SMG6: variants seen among roughly 807,000 people sequenced by gnomAD.
SMG6 encodes telomerase-binding protein EST1A.
A neutral mutation model predicts 142.2 loss-of-function variants in SMG6; 66 were observed. That is an observed-to-expected ratio of 0.46 (90% CI 0.38 to 0.57). The LOEUF is 0.57. Among genes scored for constraint, SMG6 ranks in the 20% least tolerant of loss-of-function variants. The pLI is 0.00. For missense variants in SMG6, 1,793 were observed against 1,832.0 expected (o/e 0.98, Z 0.39); for synonymous variants, 779 against 702.4 (o/e 1.11, Z -1.72).
intron 13 of SMG6, among the ~76,000 whole-genome samples, chr17:2,135,616 T>C (rs1191288075): frequency 6.6e-6 from 1 of 152,236 alleles, no homozygotes; most frequent in Non-Finnish European, 1.5e-5. Context: ...CTCATGTGGT[T>C]ACTGACCACT....
intron 7 of SMG6, 50 bp from the exon 8 acceptor site, chr17:2,282,909 G>A (rs751465029): frequency 9.5e-6 from 15 of 1,574,364 alleles, no homozygotes; most frequent in African/African-American, 1.4e-5. Flanking sequence ...GGTGGCTCAC[G>A]CCTGTAATCC....
intron 10 of SMG6, among the ~76,000 whole-genome samples, chr17:2,228,007 T>C (rs538110600): frequency 1.3e-5 from 2 of 152,302 alleles, no homozygotes; most frequent in Middle Eastern, 3.4e-3. Context: ...AGAATATAAA[T>C]AGTATGATTA....
intron 8 of SMG6, among the ~76,000 whole-genome samples, chr17:2,254,495 C>T (rs1324177031): frequency 9.2e-5 from 14 of 152,080 alleles, no homozygotes; most frequent in African/African-American, 3.1e-4. Flanking sequence ...CCACCAAGCC[C>T]GGCCAATTTT....
At chr17:2,113,545 G>A (rs2069405356) in intron 13 of SMG6, among the ~76,000 whole-genome samples, 1 of 152,172 alleles carries the variant, frequency 6.6e-6, no homozygotes, top group African/African-American at 2.4e-5. Context: ...ATTCTTAAAT[G>A]GGTCTCTGGG....
At chr17:2,123,772 G>T (rs1032200803) in intron 13 of SMG6, among the ~76,000 whole-genome samples, 1 of 149,370 alleles carries the variant, frequency 6.7e-6, no homozygotes, top group Non-Finnish European at 1.5e-5. Flanking sequence ...TGCAGAGGAG[G>T]AGTGTGTTTG....
intron 8 of SMG6, among the ~76,000 whole-genome samples, chr17:2,263,534 A>G (rs999144591): frequency 6.6e-6 from 1 of 152,204 alleles, no homozygotes; most frequent in African/African-American, 2.4e-5. Context: ...CAACTCAAAA[A>G]ACCACTTAAG....
chr17:2,282,760 T>C lies in SMG6; in HGVS notation c.2548A>G (p.Thr850Ala), dbSNP rs1421018809. The C allele has an allele frequency of 2.5e-6, 4 of 1,614,172 alleles. No individual in the cohort carries two copies. The highest frequency in any genetic ancestry group is 4.5e-5 in the East Asian group (2 of 44,882). ...TGAATCCAGATCTCCAGGCGAGTGG[T>C]GTCATCTCCAACATGCCGGAAAGTA... ...KSTFRHVGDDTTRLEIWIHPS... is the reference protein window; with the variant it reads ...KSTFRHVGDDATRLEIWIHPS... Residue 850 changes from threonine to alanine, a missense_variant, in exon 8 of 19, where the codon ACC becomes GCC. Around this residue, in one of 3 missense-constraint regions of SMG6, gnomAD observed 1,597 missense variants for 1,584.6 expected, o/e 1.01. Transcript: ENST00000263073.
chr17:2,273,219 C>G (rs2074576493), intron 8 of SMG6, among the ~76,000 whole-genome samples: 1 of 152,092 alleles, frequency 6.6e-6, no homozygotes, highest in Non-Finnish European at 1.5e-5. Context: ...CCACATAAAA[C>G]AAGGTTATAT....
At chr17:2,167,305 CA>C (rs2151639307) in intron 13 of SMG6, among the ~76,000 whole-genome samples, 2 of 152,002 alleles carry the variant, frequency 1.3e-5, no homozygotes, top group East Asian at 3.9e-4. Flanking sequence ...ATCAAGATGA[CA>C]AACTTGAGAA....
At position 2,255,432 on chromosome 17, in the gene SMG6, A is replaced by AAAAAAAG. The variant is rs2074149977; in HGVS notation, c.2662-10714_2662-10713insCTTTTTT. Among the ~76,000 whole-genome samples, 6 of 144,322 alleles carry AAAAAAAG rather than the reference A, an allele frequency of 4.2e-5. 1 individual carries two copies. The highest frequency in any genetic ancestry group is 7.6e-5 in the Non-Finnish European group (5 of 66,206). 94.7% of individuals were successfully genotyped at this position (144,322 alleles called of 152,430 possible). A position where few individuals can be genotyped will look rare whatever the true frequency, so the allele number is the denominator to read the frequency against. ...AAAAAAAAAAAAAAAAAAAAAAAGA[A>AAAAAAAG]TGTGATCTTCATTAAAGCCACTGAA... On this transcript the variant is annotated intron_variant, in intron 8 of 18. Coordinates refer to ENST00000263073, the MANE Select transcript of SMG6 (RefSeq NM_017575.5).
At chr17:2,092,571 C>T (rs2068754550) in intron 13 of SMG6, among the ~76,000 whole-genome samples, 1 of 152,178 alleles carries the variant, frequency 6.6e-6, no homozygotes, top group Non-Finnish European at 1.5e-5. Flanking sequence ...GGTGGGGAGA[C>T]TATCCCAAGA....
chr17:2,279,050 T>G (rs534336038), intron 8 of SMG6, among the ~76,000 whole-genome samples: 2 of 152,104 alleles, frequency 1.3e-5, no homozygotes, highest in Non-Finnish European at 2.9e-5. Flanking sequence ...AAGGGAAAGA[T>G]CTGCACAAAA....
chr17:2,093,389 C>T (rs2068775293), intron 13 of SMG6, among the ~76,000 whole-genome samples: 1 of 151,892 alleles, frequency 6.6e-6, no homozygotes, highest in Admixed American at 6.6e-5. Context: ...CGCCACTGCA[C>T]TCTAGCCAGG....
intron 13 of SMG6, among the ~76,000 whole-genome samples, chr17:2,164,726 C>T (rs1597500485): frequency 6.6e-6 from 1 of 152,188 alleles, no homozygotes; most frequent in East Asian, 1.9e-4. Flanking sequence ...CACCTGAGGT[C>T]AGGCGTTTGA....
chr17:2,189,491 G>A (rs2072095074), intron 10 of SMG6, among the ~76,000 whole-genome samples: 2 of 152,248 alleles, frequency 1.3e-5, no homozygotes, highest in South Asian at 4.1e-4. Flanking sequence ...CAGGGGCCAG[G>A]CTCACTAGCT....
chr17:2,198,558 C>T (rs1193506146), intron 10 of SMG6, among the ~76,000 whole-genome samples: 2 of 152,126 alleles, frequency 1.3e-5, no homozygotes, highest in Non-Finnish European at 2.9e-5. Flanking sequence ...TTGATATATA[C>T]TAAAGCTATG....
In SMG6 at chr17:2,086,022, C is replaced by G. The variant is rs141874187; in HGVS notation, c.3358-121G>C. On this transcript the variant is annotated intron_variant, in intron 13 of 18. Transcript: ENST00000263073. ...TGTCAAAGCTACCAGGCAAGGGGGT[C>G]AGAATGAATGACGGGGTGCGGAGGG... The G allele has an allele frequency of 1.8e-4, 185 of 1,011,794 alleles. 1 individual carries two copies. The African/African-American group carries it at 2.4e-3, about 13-fold the overall frequency. 62.7% of individuals were successfully genotyped at this position (1,011,794 alleles called of 1,614,324 possible). A position where few individuals can be genotyped will look rare whatever the true frequency, so the allele number is the denominator to read the frequency against.
intron 8 of SMG6, 121 bp from the exon 9 acceptor site, chr17:2,244,840 G>T: frequency 2.6e-6 from 2 of 760,620 alleles, no homozygotes; most frequent in Non-Finnish European, 2.2e-6. Flanking sequence ...CTAGGGATGG[G>T]AACCAAATGG....
At chr17:2,111,570 C>T (rs1195395225) in intron 13 of SMG6, among the ~76,000 whole-genome samples, 1 of 152,100 alleles carries the variant, frequency 6.6e-6, no homozygotes, top group African/African-American at 2.4e-5. Context: ...TGCCACCACG[C>T]CTGGCTAATT....
Sources: gnomAD v4.1 joint callset for allele counts (sites outside exome capture counted in the v4.1 genomes callset) on GRCh38, gnomAD v4.1.1 for gene constraint, gnomAD v4.1.1 regional missense constraint, MANE v1.5 for transcripts, NCBI Gene and HGNC (gene_info 2026-07-23, HGNC 2026-07-21) for gene names.